FTO: variants seen among roughly 807,000 people sequenced by gnomAD.
The protein encoded by FTO is alpha-ketoglutarate-dependent dioxygenase FTO.
In FTO, 47 loss-of-function variants were observed where a neutral mutation model predicts 63.9. The observed-to-expected ratio is 0.74, with a 90% CI of 0.58 to 0.94. The LOEUF (loss-of-function observed/expected upper bound fraction) is 0.94. Ranked by LOEUF, FTO falls within the 40% of genes least tolerant of loss-of-function variation. The probability of loss-of-function intolerance (pLI) is 0.00; values close to 1 mark genes in which losing one functional copy is unlikely to be tolerated. For synonymous variants in FTO, 207 were observed against 224.4 expected, an observed-to-expected ratio of 0.92 and a Z score of 0.69; for missense variants, 562 against 618.1, an observed-to-expected ratio of 0.91 and a Z score of 0.96.
chr16:54,097,117 T>C (rs1279790258), intron 8 of FTO, among the ~76,000 whole-genome samples: 2 of 152,132 alleles, frequency 1.3e-5, no homozygotes, highest in Admixed American at 1.3e-4. Context: ...TATATATAAC[T>C]ACAGTTTTTT....
At chr16:53,885,680 T>A (rs1263457913) in intron 6 of FTO, among the ~76,000 whole-genome samples, 1 of 152,218 alleles carries the variant, frequency 6.6e-6, no homozygotes, top group Non-Finnish European at 1.5e-5. Context: ...AGGCAGTAAT[T>A]GTTTCTGTCT....
chr16:53,821,999 T>G (rs546511288), intron 2 of FTO, among the ~76,000 whole-genome samples: 1 of 152,122 alleles, frequency 6.6e-6, no homozygotes, highest in South Asian at 2.1e-4. Context: ...GCAGTGACAA[T>G]GACATGTTCC....
chr16:54,100,414 A>T (rs1220136739), intron 8 of FTO, among the ~76,000 whole-genome samples: 1 of 152,160 alleles, frequency 6.6e-6, no homozygotes, highest in Non-Finnish European at 1.5e-5. Context: ...GTGCAGTGGC[A>T]CAATCACGGC....
intron 8 of FTO, chr16:53,979,310 G>A (rs1192178696): frequency 2.5e-6 from 1 of 397,868 alleles, no homozygotes; most frequent in African/African-American, 2.1e-5. Flanking sequence ...CAAATTACAG[G>A]TTCTTGAAAA....
intron 8 of FTO, among the ~76,000 whole-genome samples, chr16:54,101,747 T>C (rs1462944096): frequency 6.6e-6 from 1 of 152,238 alleles, no homozygotes; most frequent in Non-Finnish European, 1.5e-5. Context: ...TATACTGCTT[T>C]CCACAATGGC....
chr16:53,914,665 C>T (rs2081814302), intron 7 of FTO, among the ~76,000 whole-genome samples: 1 of 152,072 alleles, frequency 6.6e-6, no homozygotes, highest in South Asian at 2.1e-4. Context: ...ATAGGTATTC[C>T]CGTGTGGAAG....
At chr16:54,067,693 G>A (rs181605390) in intron 8 of FTO, among the ~76,000 whole-genome samples, 4 of 152,308 alleles carry the variant, frequency 2.6e-5, no homozygotes, top group South Asian at 2.1e-4. Context: ...GTATTTGAAC[G>A]TGAAAGCACC....
chr16:53,814,154 T>A (rs2078608908), intron 2 of FTO, among the ~76,000 whole-genome samples: 1 of 152,194 alleles, frequency 6.6e-6, no homozygotes, highest in Admixed American at 6.5e-5. Flanking sequence ...AGTTTTGCAG[T>A]TTCTTTTAAT....
chr16:53,869,989 A>G (rs1000034301), intron 4 of FTO, among the ~76,000 whole-genome samples: 4 of 152,122 alleles, frequency 2.6e-5, no homozygotes, highest in African/African-American at 9.7e-5. Context: ...GTGGTAAGGT[A>G]TGTTGGGAGG....
intron 8 of FTO, among the ~76,000 whole-genome samples, chr16:53,969,352 C>T (rs1380364600): frequency 3.3e-5 from 5 of 152,170 alleles, no homozygotes; most frequent in East Asian, 3.9e-4. Flanking sequence ...TAAGGACATT[C>T]GGCCCAGAGC....
chr16:53,719,253 C>CTTTTTTTTTTTTT (rs10527186), intron 1 of FTO, among the ~76,000 whole-genome samples: 1 of 135,650 alleles, frequency 7.4e-6, no homozygotes, highest in Non-Finnish European at 1.6e-5. Flanking sequence ...TCTTCTTCTT[C>CTTTTTTTTTTTTT]TTTTTTTTTT....
intron 8 of FTO, among the ~76,000 whole-genome samples, chr16:54,013,942 A>C (rs2084381790): frequency 6.6e-6 from 1 of 152,190 alleles, no homozygotes; most frequent in Non-Finnish European, 1.5e-5. Flanking sequence ...TTCTCCATGC[A>C]CTAAAAAGGA....
chr16:54,002,893 C>T (rs1178500808), intron 8 of FTO, among the ~76,000 whole-genome samples: 1 of 152,124 alleles, frequency 6.6e-6, no homozygotes, highest in African/African-American at 2.4e-5. Context: ...CCCTAAAAAG[C>T]ACAGGCTTTT....
At chr16:53,975,203 G>GT (rs1468672574) in intron 8 of FTO, among the ~76,000 whole-genome samples, 3 of 149,562 alleles carry the variant, frequency 2.0e-5, no homozygotes, top group Non-Finnish European at 4.4e-5. Context: ...TTTAAATATT[G>GT]TAAGTTTTTT....
chr16:53,844,356 G>A (rs1598807024), intron 4 of FTO, 58 bp downstream of exon 4: 1 of 1,344,574 alleles, frequency 7.4e-7, no homozygotes, highest in East Asian at 2.3e-5. Context: ...TTAGATTATA[G>A]GATTTATATT....
intron 6 of FTO, among the ~76,000 whole-genome samples, chr16:53,884,662 T>C (rs999998572): frequency 8.5e-5 from 13 of 152,218 alleles, no homozygotes; most frequent in African/African-American, 3.1e-4. Context: ...TTTACAACTA[T>C]ATGGTGATAA....
At chr16:53,897,128 G>A (rs1332924869) in intron 7 of FTO, among the ~76,000 whole-genome samples, 1 of 152,040 alleles carries the variant, frequency 6.6e-6, no homozygotes, top group African/African-American at 2.4e-5. Context: ...AAGGATCTCT[G>A]TGATTATTTG....
intron 7 of FTO, among the ~76,000 whole-genome samples, chr16:53,892,758 G>A (rs897305209): frequency 1.3e-5 from 2 of 152,044 alleles, no homozygotes; most frequent in Non-Finnish European, 2.9e-5. Flanking sequence ...AACCTTTATC[G>A]GCCCTCGTAC....
intron 1 of FTO, among the ~76,000 whole-genome samples, chr16:53,763,246 A>G (rs1378877644): frequency 6.8e-6 from 1 of 147,660 alleles, no homozygotes; most frequent in African/African-American, 2.6e-5. Context: ...TATTTTATAT[A>G]TCCATTTTTT....
Sources: allele counts gnomAD v4.1 joint callset (sites outside exome capture counted in the v4.1 genomes callset), GRCh38; gene constraint gnomAD v4.1.1; transcripts MANE v1.5; gene names NCBI Gene and HGNC (gene_info 2026-07-23, HGNC 2026-07-21).